ZDHHC14: variants seen among roughly 807,000 people sequenced by gnomAD.
The protein encoded by ZDHHC14 is palmitoyltransferase ZDHHC14.
ZDHHC14 carries 16 observed loss-of-function variants against 47.7 expected under a neutral mutation model. The ratio of observed to expected loss-of-function variants is 0.34; its 90% confidence interval spans 0.23 to 0.51. ZDHHC14 has a LOEUF of 0.51. Among genes scored for constraint, ZDHHC14 ranks in the 20% least tolerant of loss-of-function variants. The probability of loss-of-function intolerance (pLI) is 0.97; values close to 1 mark genes in which losing one functional copy is unlikely to be tolerated. For synonymous variants in ZDHHC14, 293 were observed against 278.9 expected (o/e 1.05, Z -0.50); for missense variants, 515 against 662.5 (o/e 0.78, Z 2.44).
chr6:157,592,478 G>A, intron 2 of ZDHHC14, among the ~76,000 whole-genome samples: 1 of 152,194 alleles, frequency 6.6e-6, no homozygotes, highest in Non-Finnish European at 1.5e-5. Flanking sequence ...CAGCATTCCA[G>A]GAGAGCGAAT....
At chr6:157,490,750 A>G (rs779543929) in intron 1 of ZDHHC14, among the ~76,000 whole-genome samples, 5 of 152,094 alleles carry the variant, frequency 3.3e-5, no homozygotes, top group Non-Finnish European at 5.9e-5. Flanking sequence ...GAGGGCAGGA[A>G]AGGGAATGAA....
chr6:157,414,237 G>C (rs1388772538), intron 1 of ZDHHC14, among the ~76,000 whole-genome samples: 1 of 152,150 alleles, frequency 6.6e-6, no homozygotes, highest in Non-Finnish European at 1.5e-5. Context: ...AGAGCACTGG[G>C]TTCTTGTTCT....
At chr6:157,632,585 C>T in intron 4 of ZDHHC14, 1 of 546,286 alleles carries the variant, frequency 1.8e-6, no homozygotes, top group Non-Finnish European at 3.3e-6. Context: ...GGAAAGTGTG[C>T]AGACATCCAT....
intron 3 of ZDHHC14, among the ~76,000 whole-genome samples, chr6:157,598,292 G>A (rs1784210250): frequency 1.3e-5 from 2 of 152,178 alleles, no homozygotes; most frequent in African/African-American, 4.8e-5. Context: ...GGGGCTATTA[G>A]TTTCTCATAG....
chr6:157,467,143 T>G (rs1245115193), intron 1 of ZDHHC14, among the ~76,000 whole-genome samples: 1 of 152,208 alleles, frequency 6.6e-6, no homozygotes, highest in Non-Finnish European at 1.5e-5. Flanking sequence ...ATTGCAAGAT[T>G]TTTTTACAGC....
intron 2 of ZDHHC14, among the ~76,000 whole-genome samples, chr6:157,580,748 A>G (rs1477177347): frequency 1.4e-5 from 2 of 142,092 alleles, no homozygotes; most frequent in Non-Finnish European, 3.1e-5. Context: ...TTTTCTTTGT[A>G]TTTCTCTGGG....
chr6:157,549,910 A>T (rs951297), intron 2 of ZDHHC14, among the ~76,000 whole-genome samples: 61,640 of 152,036 alleles, frequency 0.41, 12,575 homozygotes, highest in Admixed American at 0.45. Context: ...TCTGATGCAA[A>T]CATATTTCCG....
intron 1 of ZDHHC14, among the ~76,000 whole-genome samples, chr6:157,392,117 C>T (rs1384272971): frequency 2.0e-5 from 3 of 152,114 alleles, no homozygotes; most frequent in Non-Finnish European, 4.4e-5. Context: ...ACATCTAGAC[C>T]CAAATGCTTA....
chr6:157,401,637 G>C (rs1211211003), intron 1 of ZDHHC14, among the ~76,000 whole-genome samples: 1 of 149,012 alleles, frequency 6.7e-6, no homozygotes, highest in East Asian at 2.0e-4. Flanking sequence ...TGAGGTCTCA[G>C]CTGCAGTAGT....
chr6:157,570,495 T>C (rs1582957064), intron 2 of ZDHHC14, among the ~76,000 whole-genome samples: 2 of 152,228 alleles, frequency 1.3e-5, no homozygotes, highest in African/African-American at 4.8e-5. Flanking sequence ...TTTGTGTATA[T>C]ACTCAGAGAA....
chr6:157,522,974 T>C (rs1174886310), intron 1 of ZDHHC14, among the ~76,000 whole-genome samples: 126 of 36,786 alleles, frequency 3.4e-3, no homozygotes, highest in African/African-American at 0.02. Context: ...TCTTTTCTTT[T>C]CTTTTCTTTT....
intron 2 of ZDHHC14, among the ~76,000 whole-genome samples, chr6:157,550,516 G>A (rs9457766): frequency 1.8e-4 from 25 of 135,306 alleles, no homozygotes; most frequent in East Asian, 3.9e-4. Context: ...AGACCACAGC[G>A]TCACACAGGC....
At position 157,531,531 on chromosome 6, in the gene ZDHHC14, C is replaced by T. The variant is rs1781367896; in HGVS notation, c.246-11054C>T. Reference sequence around the variant, plus strand: ...GGCCCACTGAGTTGGTTCCCTCCACCGTTCCTCAACACCTGTGTCTCCACA... The same window carrying T: ...GGCCCACTGAGTTGGTTCCCTCCACTGTTCCTCAACACCTGTGTCTCCACA... On this transcript the variant is annotated intron_variant, in intron 1 of 8. Coordinates refer to ENST00000359775, the MANE Select transcript of ZDHHC14 (RefSeq NM_024630.3). 2.6e-5 allele frequency among the ~76,000 whole-genome samples: 4 copies of T among 152,128 alleles called. No homozygotes were observed. In the South Asian group the frequency reaches 8.3e-4, roughly 32 times the overall value.
At chr6:157,521,000 T>C (rs926017301) in intron 1 of ZDHHC14, among the ~76,000 whole-genome samples, 1 of 152,244 alleles carries the variant, frequency 6.6e-6, no homozygotes, top group Non-Finnish European at 1.5e-5. Context: ...TTATATCATA[T>C]GATTCCAAAT....
intron 1 of ZDHHC14, among the ~76,000 whole-genome samples, chr6:157,439,721 G>A (rs1035196199): frequency 2.0e-5 from 3 of 152,128 alleles, no homozygotes; most frequent in African/African-American, 7.2e-5. Flanking sequence ...TATATTCATT[G>A]CAGCACTATT....
At chr6:157,488,186 A>G (rs1169774689) in intron 1 of ZDHHC14, among the ~76,000 whole-genome samples, 1 of 152,128 alleles carries the variant, frequency 6.6e-6, no homozygotes, top group Non-Finnish European at 1.5e-5. Context: ...GGCATTTGGC[A>G]CCAACTTGCT....
chr6:157,612,556 C>A (rs147849434), intron 3 of ZDHHC14, among the ~76,000 whole-genome samples: 124 of 152,322 alleles, frequency 8.1e-4, no homozygotes, highest in Non-Finnish European at 1.5e-3. Flanking sequence ...CTTCCCATAG[C>A]TTTCTGTATG....
intron 2 of ZDHHC14, among the ~76,000 whole-genome samples, chr6:157,575,085 C>A (rs1029272082): frequency 6.6e-6 from 1 of 152,006 alleles, no homozygotes; most frequent in Admixed American, 6.6e-5. Flanking sequence ...GTTGGTGTTG[C>A]CATCTTGAGC....
At chr6:157,647,171 T>G (rs1777594217) in intron 6 of ZDHHC14, 88 bp from the exon 7 acceptor site, 2 of 854,956 alleles carry the variant, frequency 2.3e-6, no homozygotes, top group South Asian at 3.7e-5. Context: ...TGATTTGCAT[T>G]CTTTATGAGC....
Sources: allele counts gnomAD v4.1 joint callset (sites outside exome capture counted in the v4.1 genomes callset), GRCh38; gene constraint gnomAD v4.1.1; transcripts MANE v1.5; gene names NCBI Gene and HGNC (gene_info 2026-07-23, HGNC 2026-07-21).